Variants in SGCB observed in about 807,000 individuals in gnomAD.
SGCB encodes sarcoglycan beta, also known as beta-sarcoglycan.
In SGCB, 25 loss-of-function variants were observed where a neutral mutation model predicts 27.3. The ratio of observed to expected loss-of-function variants is 0.92; its 90% CI spans 0.67 to 1.28. The LOEUF (loss-of-function observed/expected upper bound fraction) is 1.28. Among genes scored for constraint, SGCB ranks in the 50% most tolerant of loss-of-function variants. The probability of loss-of-function intolerance (pLI) is 0.00; values close to 1 mark genes in which losing one functional copy is unlikely to be tolerated. For synonymous variants in SGCB, 147 were observed against 133.5 expected (o/e 1.10, Z -0.70); for missense variants, 436 against 402.1 (o/e 1.08, Z -0.72).
At chr4:52,027,315 T>C (rs568468762) in intron 5 of SGCB, among the ~76,000 whole-genome samples, 2 of 152,190 alleles carry the variant, frequency 1.3e-5, no homozygotes, top group South Asian at 2.1e-4. Context: ...ACCATACCTG[T>C]TAAAGTTCAG....
Position 52,022,438 on chromosome 4 carries a change from C to G in SGCB, c.*1519G>C, listed in dbSNP as rs1736977480. The G allele has an allele frequency of 6.6e-6, 1 of 152,200 alleles. No homozygotes were observed. The highest frequency in any genetic ancestry group is 1.5e-5 in the Non-Finnish European group (1 of 68,028). The allele number at this position is 152,200 out of a possible 1,614,324, so 9.4% of individuals were successfully genotyped here. A position where few individuals can be genotyped will look rare whatever the true frequency, so the allele number is the denominator to read the frequency against. ...TTTACAGCAAACTCCTTTGGGGGCC[C>G]TGTCCCTGATTCTGTGTGAGTCTTA... is the stretch of plus-strand genomic sequence containing the variant. On this transcript the variant is annotated 3_prime_UTR_variant, in exon 6 of 6. Transcript: ENST00000381431.
At chr4:52,038,098 C>CCAG in intron 1 of SGCB, 129 bp downstream of exon 1, 1 of 193,908 alleles carries the variant, frequency 5.2e-6, no homozygotes, top group Non-Finnish European at 9.0e-6. Flanking sequence ...CCGCCCCGAT[C>CCAG]GGCCCCGCCG....
intron 1 of SGCB, among the ~76,000 whole-genome samples, chr4:52,035,437 G>A (rs866230913): frequency 6.6e-5 from 10 of 152,344 alleles, no homozygotes; most frequent in Middle Eastern, 3.4e-3. Context: ...TTAGGGAAAT[G>A]GGGAGAAGTA....
chr4:52,028,715 GC>G lies in SGCB; in HGVS notation c.621+14del, dbSNP rs1307383470. The G allele has an allele frequency of 1.3e-6, 2 of 1,571,124 alleles. No individual in the cohort carries two copies. Among genetic ancestry groups the G allele is most frequent in the Non-Finnish European group, 1.8e-6 (2 of 1,141,308 alleles). Reference sequence around the variant, plus strand: ...AATTCTCTCCCATTAGTAAAACAAAGCCAATAAATCATACCCTTTCAGTAGA... The same window carrying G: ...AATTCTCTCCCATTAGTAAAACAAAGCAATAAATCATACCCTTTCAGTAGA... On this transcript the variant is annotated intron_variant, in intron 4 of 5. Transcript: ENST00000381431.
chr4:52,031,902 T>C, intron 2 of SGCB: 1 of 456,176 alleles, frequency 2.2e-6, no homozygotes, highest in South Asian at 1.5e-5. Flanking sequence ...AGATCTTTTT[T>C]CTATATGCAT....
intron 1 of SGCB, among the ~76,000 whole-genome samples, chr4:52,036,986 G>C (rs771558631): frequency 6.6e-6 from 1 of 152,192 alleles, no homozygotes; most frequent in Non-Finnish European, 1.5e-5. Flanking sequence ...TTCAGGGCTG[G>C]AGACGTAATG....
intron 1 of SGCB, among the ~76,000 whole-genome samples, chr4:52,036,204 A>T (rs919272941): frequency 2.0e-5 from 3 of 152,240 alleles, no homozygotes; most frequent in African/African-American, 7.2e-5. Context: ...AGGTTGAGTT[A>T]ACTCTTGAAG....
chr4:52,026,837 T>G (rs1578124542), intron 5 of SGCB, among the ~76,000 whole-genome samples: 1 of 152,194 alleles, frequency 6.6e-6, no homozygotes, highest in Non-Finnish European at 1.5e-5. Flanking sequence ...TTGCTAATGG[T>G]CTCTAAACAA....
At chr4:52,038,000 G>A (rs1207029725) in intron 1 of SGCB, among the ~76,000 whole-genome samples, 3 of 152,112 alleles carry the variant, frequency 2.0e-5, no homozygotes, top group Non-Finnish European at 4.4e-5. Flanking sequence ...GGATCAGCCA[G>A]GCCGGGCCGA....
At chr4:52,029,015 G>A in intron 3 of SGCB, 94 bp from the exon 4 acceptor site, 2 of 947,870 alleles carry the variant, frequency 2.1e-6, no homozygotes, top group South Asian at 1.5e-5. Context: ...AAAAATTACA[G>A]AAATTTAAAA....
At chr4:52,038,093 C>CCCCTA in intron 1 of SGCB, 134 bp downstream of exon 1, 1 of 419,208 alleles carries the variant, frequency 2.4e-6, no homozygotes, top group Non-Finnish European at 3.3e-6. Context: ...CCGCCCCGCC[C>CCCCTA]CGATCGGCCC....
chr4:52,032,052 C>T (rs941836522), intron 2 of SGCB: 21 of 431,604 alleles, frequency 4.9e-5, no homozygotes, highest in Admixed American at 4.8e-4. Context: ...CAACCCCTAC[C>T]CTCCAGTATC....
chr4:52,027,113 A>AT (rs995356776), intron 5 of SGCB, among the ~76,000 whole-genome samples: 38 of 152,182 alleles, frequency 2.5e-4, no homozygotes, highest in African/African-American at 8.2e-4. Flanking sequence ...TGAAATTGAA[A>AT]TTTTTTTTAA....
intron 5 of SGCB, among the ~76,000 whole-genome samples, chr4:52,025,450 G>A (rs550424872): frequency 6.6e-6 from 1 of 152,184 alleles, no homozygotes. Context: ...AACAGTGTCT[G>A]CAAAGGCCCC....
intron 5 of SGCB, among the ~76,000 whole-genome samples, chr4:52,024,556 C>T (rs946970814): frequency 3.9e-5 from 6 of 151,962 alleles, no homozygotes; most frequent in African/African-American, 1.5e-4. Flanking sequence ...TGGCCAAGCG[C>T]GGTGGCTCAT....
In SGCB at chr4:52,026,262, T is replaced by G. The variant is rs555097973; in HGVS notation, c.753+1706A>C. Among the ~76,000 whole-genome samples, 433 of 139,342 alleles carry G rather than the reference T, an allele frequency of 3.1e-3. 13 individuals are homozygous for G. The highest frequency in any genetic ancestry group is 0.025 in the Admixed American group (352 of 14,052). The allele number at this position is 139,342 out of a possible 152,430, so 91.4% of individuals were successfully genotyped here. On this transcript the variant is annotated intron_variant, in intron 5 of 5. Transcript: ENST00000381431. ...TTTTTTGTTGTTGGTTTTTTTTTTT[T>G]TTTTTTTTTTTTTTGAGACGGAGTT...
intron 2 of SGCB, 115 bp downstream of exon 2, chr4:52,033,316 T>G (rs1737298105): frequency 1.4e-6 from 1 of 700,474 alleles, no homozygotes. Flanking sequence ...TCATTAAAAT[T>G]CAGTAAGAGA....
intron 1 of SGCB, among the ~76,000 whole-genome samples, chr4:52,036,151 C>T (rs1270615177): frequency 6.6e-6 from 1 of 152,194 alleles, no homozygotes; most frequent in Non-Finnish European, 1.5e-5. Context: ...GCATCTCCAC[C>T]TAGCAGGCAA....
intron 1 of SGCB, among the ~76,000 whole-genome samples, chr4:52,034,490 G>A (rs1737334996): frequency 6.7e-6 from 1 of 150,184 alleles, no homozygotes; most frequent in Non-Finnish European, 1.5e-5. Context: ...AGTGTTGTAA[G>A]TAATCTGCAG....
Sources: allele counts gnomAD v4.1 joint callset (sites outside exome capture counted in the v4.1 genomes callset), GRCh38; gene constraint gnomAD v4.1.1; transcripts MANE v1.5; gene names NCBI Gene and HGNC (gene_info 2026-07-23, HGNC 2026-07-21).